The following LPAR1 variants were observed in gnomAD, a reference collection of about 807,000 sequenced individuals.
LPAR1 encodes the protein lysophosphatidic acid receptor 1.
Under a neutral mutation model 23.8 loss-of-function variants are expected in LPAR1, and 5 were observed. That is an observed-to-expected ratio of 0.21 (90% CI 0.11 to 0.44). LPAR1 has a LOEUF of 0.44. Ranked by LOEUF, LPAR1 falls within the 20% of genes least tolerant of loss-of-function variation. The probability of loss-of-function intolerance (pLI) is 0.99; values close to 1 mark genes in which losing one functional copy is unlikely to be tolerated. For synonymous variants in LPAR1, 160 were observed against 164.7 expected (o/e 0.97, Z 0.22); for missense variants, 311 against 482.8 (o/e 0.64, Z 3.33).
intron 2 of LPAR1, among the ~76,000 whole-genome samples, chr9:110,991,573 GTTTGTTTT>G (rs774462223): frequency 4.8e-5 from 7 of 145,488 alleles, no homozygotes; most frequent in African/African-American, 1.6e-4. Context: ...AATCTTTCTG[GTTTGTTTT>G]GTTGTTGTTG....
At chr9:110,888,613 A>C (rs964189056) in intron 5 of LPAR1, among the ~76,000 whole-genome samples, 11 of 152,118 alleles carry the variant, frequency 7.2e-5, no homozygotes, top group African/African-American at 2.7e-4. Context: ...TTCTAAGATA[A>C]ATGAGAAAGA....
At chr9:110,993,471 A>T (rs1385007702) in intron 2 of LPAR1, among the ~76,000 whole-genome samples, 1 of 152,146 alleles carries the variant, frequency 6.6e-6, no homozygotes, top group African/African-American at 2.4e-5. Flanking sequence ...GGGCAGCCCA[A>T]CGCAGAGTGT....
chr9:110,890,418 TA>T (rs1446041354), intron 5 of LPAR1, among the ~76,000 whole-genome samples: 3 of 152,006 alleles, frequency 2.0e-5, no homozygotes, highest in Non-Finnish European at 4.4e-5. Context: ...TATTAACATT[TA>T]AAAAAAATTC....
intron 5 of LPAR1, among the ~76,000 whole-genome samples, chr9:110,935,838 T>C: frequency 6.6e-6 from 1 of 152,228 alleles, no homozygotes; most frequent in East Asian, 1.9e-4. Flanking sequence ...GGGGAACCCT[T>C]CATCGTCTCC....
intron 2 of LPAR1, among the ~76,000 whole-genome samples, chr9:111,030,390 GT>G (rs1450938950): frequency 3.9e-5 from 6 of 152,164 alleles, no homozygotes; most frequent in Non-Finnish European, 8.8e-5. Context: ...TTTCAGTTGT[GT>G]TATTCTCTTA....
intron 5 of LPAR1, among the ~76,000 whole-genome samples, chr9:110,917,775 C>A (rs1383499758): frequency 6.6e-6 from 1 of 152,192 alleles, no homozygotes; most frequent in Admixed American, 6.5e-5. Flanking sequence ...TCTTCATTAA[C>A]TGCTAGAAAG....
intron 5 of LPAR1, among the ~76,000 whole-genome samples, chr9:110,887,201 G>A (rs1475890875): frequency 6.6e-6 from 1 of 151,924 alleles, no homozygotes; most frequent in Non-Finnish European, 1.5e-5. Context: ...ACCCAAGACA[G>A]AAACTTCAAG....
intron 5 of LPAR1, among the ~76,000 whole-genome samples, chr9:110,888,952 G>A (rs909921521): frequency 2.0e-5 from 3 of 152,190 alleles, no homozygotes; most frequent in Non-Finnish European, 4.4e-5. Context: ...GAGTAACATC[G>A]AGAGAGCAGG....
intron 2 of LPAR1, among the ~76,000 whole-genome samples, chr9:111,017,778 T>C (rs988354185): frequency 6.6e-6 from 1 of 152,088 alleles, no homozygotes; most frequent in Non-Finnish European, 1.5e-5. Context: ...TCTCAGCACT[T>C]TGGGAGGCCG....
At chr9:110,897,033 C>T (rs978102897) in intron 5 of LPAR1, among the ~76,000 whole-genome samples, 1 of 152,040 alleles carries the variant, frequency 6.6e-6, no homozygotes, top group Non-Finnish European at 1.5e-5. Flanking sequence ...ATGATCTGCC[C>T]ACCTCGGCCT....
At chr9:110,977,478 A>C (rs1450240024) in intron 2 of LPAR1, among the ~76,000 whole-genome samples, 1 of 152,140 alleles carries the variant, frequency 6.6e-6, no homozygotes, top group Non-Finnish European at 1.5e-5. Context: ...TTTGAGGCAA[A>C]CTTCCCTTTG....
At chr9:110,985,941 A>C (rs1331986627) in intron 2 of LPAR1, among the ~76,000 whole-genome samples, 1 of 152,064 alleles carries the variant, frequency 6.6e-6, no homozygotes, top group African/African-American at 2.4e-5. Context: ...AGGGAGTGTG[A>C]TCACTCATGA....
At chr9:110,994,016 A>G (rs1031375282) in intron 2 of LPAR1, among the ~76,000 whole-genome samples, 6 of 152,336 alleles carry the variant, frequency 3.9e-5, no homozygotes, top group Admixed American at 3.3e-4. Context: ...CCTAGAAAAT[A>G]CTTACCATAA....
intron 2 of LPAR1, among the ~76,000 whole-genome samples, chr9:111,035,324 C>G (rs528672526): frequency 1.8e-4 from 27 of 152,180 alleles, no homozygotes; most frequent in Admixed American, 5.9e-4. Context: ...TGGGCTGAAG[C>G]CATCCTCCCT....
rs2094807640 is a variant in LPAR1 at position 110,937,569 on chromosome 9, T to C, written c.793+3852A>G. Reference sequence around the variant, plus strand: ...CCATAGGGTTGTAATTTACAAATACTAATTTCTAAGGTAGCACATGATTTA... The same window carrying C: ...CCATAGGGTTGTAATTTACAAATACCAATTTCTAAGGTAGCACATGATTTA... On this transcript the variant is annotated intron_variant, in intron 5 of 5. Transcript: ENST00000683809. Among the ~76,000 whole-genome samples the C allele has an allele frequency of 2.0e-5, 3 of 152,206 alleles. 1 individual carries two copies. The South Asian group carries it at 6.2e-4, about 32-fold the overall frequency.
At chr9:110,954,701 A>AAAAC (rs575335485) in intron 4 of LPAR1, among the ~76,000 whole-genome samples, 9 of 152,284 alleles carry the variant, frequency 5.9e-5, no homozygotes, top group East Asian at 1.9e-4. Flanking sequence ...AAGGAGGAAA[A>AAAAC]AAACAAACAA....
intron 2 of LPAR1, among the ~76,000 whole-genome samples, chr9:110,993,559 G>A (rs953910807): frequency 2.6e-5 from 4 of 152,040 alleles, no homozygotes; most frequent in African/African-American, 4.8e-5. Context: ...AAAGGTGAGG[G>A]GTCAACCAGG....
At chr9:110,999,446 C>T (rs2097087853) in intron 2 of LPAR1, 1 of 455,854 alleles carries the variant, frequency 2.2e-6, no homozygotes, top group African/African-American at 2.0e-5. Context: ...AGCATCCCCA[C>T]ACCATGCAGC....
At chr9:110,920,879 T>C (rs1391352379) in intron 5 of LPAR1, among the ~76,000 whole-genome samples, 1 of 152,140 alleles carries the variant, frequency 6.6e-6, no homozygotes, top group Admixed American at 6.5e-5. Context: ...TCTCAGCACT[T>C]TGGGAGACTG....
Sources: allele counts gnomAD v4.1 joint callset (sites outside exome capture counted in the v4.1 genomes callset), GRCh38; gene constraint gnomAD v4.1.1; transcripts MANE v1.5; gene names NCBI Gene and HGNC (gene_info 2026-07-23, HGNC 2026-07-21).